Variants in WRAP53 observed in about 807,000 individuals in gnomAD.
The protein encoded by WRAP53 is telomerase Cajal body protein 1.
A neutral mutation model predicts 56.6 loss-of-function variants in WRAP53; 28 were observed. That is an observed-to-expected ratio of 0.50 (90% CI 0.37 to 0.68). The LOEUF is 0.68. Ranked by LOEUF, WRAP53 falls within the 30% of genes least tolerant of loss-of-function variation. The pLI is 0.00. For missense variants in WRAP53, 671 were observed against 715.5 expected (o/e 0.94, Z 0.71); for synonymous variants, 283 against 283.4 (o/e 1.00, Z 0.01).
chr17:7,691,914 G>A (rs1056197858), intron 4 of WRAP53, among the ~76,000 whole-genome samples: 1 of 151,752 alleles, frequency 6.6e-6, no homozygotes, highest in African/African-American at 2.4e-5. Flanking sequence ...TCAGCTCACC[G>A]CAACCTCCGC....
intron 4 of WRAP53, among the ~76,000 whole-genome samples, chr17:7,697,107 G>C (rs1192370570): frequency 6.6e-6 from 1 of 152,078 alleles, no homozygotes; most frequent in Non-Finnish European, 1.5e-5. Context: ...GATCACCCGA[G>C]GTCAGGAGTT....
chr17:7,693,814 TGCAAG>T (rs2074145858), intron 4 of WRAP53, among the ~76,000 whole-genome samples: 1 of 152,336 alleles, frequency 6.6e-6, no homozygotes, highest in South Asian at 2.1e-4. Flanking sequence ...ATCAGTTGTG[TGCAAG>T]CCAAGAATAG....
At chr17:7,687,368 G>A (rs1053179984), upstream of WRAP53, 5 of 398,382 alleles carry the variant, frequency 1.3e-5, no homozygotes, top group African/African-American at 6.2e-5. Flanking sequence ...AGTTCAGTCA[G>A]GAGCTTACCC....
intron 5 of WRAP53, 147 bp downstream of exon 5, chr17:7,700,976 T>G: frequency 1.6e-6 from 1 of 641,282 alleles, no homozygotes; most frequent in Non-Finnish European, 2.8e-6. Context: ...TTCCTCCCCT[T>G]CCTTTTTTTT....
intron 4 of WRAP53, among the ~76,000 whole-genome samples, chr17:7,691,538 C>T (rs552213368): frequency 1.3e-4 from 19 of 150,136 alleles, no homozygotes; most frequent in Non-Finnish European, 2.5e-4. Context: ...TACAGGCACC[C>T]GCCACCATGC....
At chr17:7,695,330 C>T (rs7210452) in intron 4 of WRAP53, among the ~76,000 whole-genome samples, 31 of 152,066 alleles carry the variant, frequency 2.0e-4, no homozygotes, top group Non-Finnish European at 4.0e-4. Context: ...CTTGTGTGTA[C>T]TGAGTCTTCT....
At chr17:7,696,773 T>G (rs1330698949) in intron 4 of WRAP53, among the ~76,000 whole-genome samples, 1 of 152,034 alleles carries the variant, frequency 6.6e-6, no homozygotes, top group Non-Finnish European at 1.5e-5. Flanking sequence ...GTGCTCAGAT[T>G]TCAGGATTGA....
chr17:7,699,444 ATATATATATATATT>A (rs2074229540), intron 4 of WRAP53, among the ~76,000 whole-genome samples: 4 of 63,816 alleles, frequency 6.3e-5, no homozygotes, highest in East Asian at 5.2e-4. Flanking sequence ...AAAAATTTAT[ATATATATATATATT>A]TATATATATA....
rs1399106809 is a variant in WRAP53, at chr17:7,703,069, G to A, written c.1345G>A (p.Gly449Arg). Residue 449 changes from glycine (G) to arginine (R), a missense_variant, in exon 10 of 11, where the codon GGG (glycine) becomes AGG (arginine). By Grantham distance (125) the Gly-to-Arg change is moderately radical. Transcript: ENST00000396463. ...GGACACGGACGGGCCTGGCAATGAT[G>A]GGAAGCCGGAGCCCGTGTTGAGTTT... ...VWDTDGPGND[G>R]KPEPVLSFLP... The A allele has an allele frequency of 6.2e-7, 1 of 1,614,042 alleles. No homozygotes were observed. The highest frequency in any genetic ancestry group is 8.5e-7 in the Non-Finnish European group (1 of 1,180,030).
At chr17:7,699,472 A>ATT (rs1163363840) in intron 4 of WRAP53, among the ~76,000 whole-genome samples, 169 of 13,678 alleles carry the variant, frequency 0.012, 2 homozygotes, top group Non-Finnish European at 0.015. Flanking sequence ...ATATATATAT[A>ATT]TATTTATATA....
Position 7,701,450 on chromosome 17 carries a change from C to T in WRAP53, c.732-9C>T. 6.2e-7 allele frequency: 1 copy of T among 1,614,142 alleles called. No homozygotes were observed. The highest frequency in any genetic ancestry group is 8.5e-7 in the Non-Finnish European group (1 of 1,179,970). On this transcript the variant is annotated splice_polypyrimidine_tract_variant and intron_variant, in intron 5 of 10. Coordinates refer to ENST00000396463, the MANE Select transcript of WRAP53 (RefSeq NM_001143992.2). The surrounding 1 kb of genome is among the most constrained non-coding windows in gnomAD (Gnocchi z 4.2). ...AGCACCGGGGTTTCAGTGTCCATGT[C>T]TCTCTCAGCGTGGCCAGCAGCAGCC...
chr17:7,699,646 G>A (rs1442926971), intron 4 of WRAP53, among the ~76,000 whole-genome samples: 1 of 147,306 alleles, frequency 6.8e-6, no homozygotes, highest in African/African-American at 2.5e-5. Context: ...CAGCTGGATG[G>A]AGGGGTCACA....
chr17:7,689,471 G>A, intron 3 of WRAP53, 119 bp from the exon 4 acceptor site: 1 of 1,259,690 alleles, frequency 7.9e-7, no homozygotes, highest in South Asian at 1.2e-5. Flanking sequence ...AGCAGTTTGT[G>A]TCTTCTACTT....
chr17:7,702,965 G>A lies in WRAP53; in HGVS notation c.1269-28G>A, dbSNP rs530372558. ...TTCCTGCCCCAGGGGTGAGGCCTCT[G>A]CCAGCAAATCTCTCCTCTCTCTCGC... On this transcript the variant is annotated intron_variant, in intron 9 of 10. Transcript: ENST00000396463. This position sits in a 1 kb window ranked among gnomAD's most constrained non-coding sequence, Gnocchi z 5.0. The A allele has an allele frequency of 1.9e-6, 3 of 1,613,326 alleles. No individual in the cohort carries two copies. In the African/African-American group the frequency reaches 4.0e-5, roughly 22 times the overall value.
At position 7,702,448 on chromosome 17, in the gene WRAP53, T is replaced by C; in HGVS notation, c.1060T>C (p.Trp354Arg). Residue 354 changes from tryptophan (W) to arginine (R), a missense_variant, in exon 8 of 11, where the codon TGG becomes CGG. Around this residue, in one of 3 missense-constraint regions of WRAP53, gnomAD observed 158 missense variants for 215.7 expected, o/e 0.73. Coordinates refer to ENST00000396463, the MANE Select transcript of WRAP53 (RefSeq NM_001143992.2). The surrounding 1 kb of genome is among the most constrained non-coding windows in gnomAD (Gnocchi z 5.0). ...SYGRSLGLYA[W>R]DDGSPLALLG... ...CGGCCGCTCCCTGGGTCTGTATGCCTGGGATGATGGCTCCCCTCTCGCCTT... is the reference window on the plus strand; with the variant it reads ...CGGCCGCTCCCTGGGTCTGTATGCCCGGGATGATGGCTCCCCTCTCGCCTT... 1 of 1,614,042 alleles carries C rather than the reference T, an allele frequency of 6.2e-7. No individual in the cohort carries two copies. The highest frequency in any genetic ancestry group is 8.5e-7 in the Non-Finnish European group (1 of 1,179,996).
rs2074073846 is a variant in WRAP53, at chr17:7,689,295, C to G, written c.503C>G (p.Pro168Arg). 1.2e-6 allele frequency: 2 copies of G among 1,613,948 alleles called. No individual in the cohort carries two copies. The highest frequency in any genetic ancestry group is 1.7e-5 in the Admixed American group (1 of 59,972). ...TCCTGGTCAGAGTTCAGCACCCAAC[C>G]TGAGAACTTCTTGAAAGGCTGTAAG... ...SGSWSEFSTQ[P>R]ENFLKGCKWA... The change falls in exon 3 of 11, where the codon CCT becomes CGT. Residue 168 changes from proline (P) to arginine (R), a missense_variant. By Grantham distance (103) the Pro-to-Arg change is moderately radical (BLOSUM62 -2). This residue lies in a region of WRAP53 where 406 missense variants were observed against 418.5 expected (regional missense o/e 0.97). Coordinates refer to ENST00000396463, the MANE Select transcript of WRAP53 (RefSeq NM_001143992.2).
rs1006575779 is a variant in WRAP53, at chr17:7,702,265, C to G, written c.956-79C>G. ...GAGTCCAAGCATGTTGGTGCTGGGA[C>G]GGGAGACAGACCTCTGCTTAGCCTG... On this transcript the variant is annotated intron_variant, in intron 7 of 10. Transcript: ENST00000396463. The surrounding 1 kb of genome is among the most constrained non-coding windows in gnomAD (Gnocchi z 5.0). 1 of 1,487,604 alleles carries G rather than the reference C, an allele frequency of 6.7e-7. No individual in the cohort carries two copies. The highest frequency in any genetic ancestry group is 2.3e-5 in the East Asian group (1 of 44,178). 92.2% of individuals were successfully genotyped at this position (1,487,604 alleles called of 1,614,324 possible).
chr17:7,701,789 G>T lies in WRAP53; in HGVS notation c.955G>T (p.Ala319Ser), dbSNP rs1298685626. 1 of 1,613,668 alleles carries T rather than the reference G, an allele frequency of 6.2e-7. No individual in the cohort carries two copies. The highest frequency in any genetic ancestry group is 8.5e-7 in the Non-Finnish European group (1 of 1,179,892). ...GRDCEVRATF[A>S]KKQGQSGIIS... ...AGACTGCGAGGTCCGAGCCACATTTGGTAAGCATCTGTGCCTCCAAGGGAG... is the reference window on the plus strand; with the variant it reads ...AGACTGCGAGGTCCGAGCCACATTTTGTAAGCATCTGTGCCTCCAAGGGAG... Residue 319 changes from alanine (A) to serine (S), a missense_variant and splice_region_variant, in exon 7 of 11, where the codon GCA becomes TCA. Transcript: ENST00000396463. This position sits in a 1 kb window ranked among gnomAD's most constrained non-coding sequence, Gnocchi z 4.2.
At position 7,701,375 on chromosome 17, in the gene WRAP53, G is replaced by T. The variant is rs2074270854; in HGVS notation, c.732-84G>T. 6.7e-7 allele frequency: 1 copy of T among 1,485,294 alleles called. No homozygotes were observed. Among genetic ancestry groups the T allele is most frequent in the Non-Finnish European group, 9.4e-7 (1 of 1,063,388 alleles). The allele number at this position is 1,485,294 out of a possible 1,614,324, so 92.0% of individuals were successfully genotyped here. ...CTGCCTTGGCCTCCCAAAGTGCTGG[G>T]ATTACAGGCATGAGCCACTGTGCCC... On this transcript the variant is annotated intron_variant, in intron 5 of 10. Coordinates refer to ENST00000396463, the MANE Select transcript of WRAP53 (RefSeq NM_001143992.2). The surrounding 1 kb of genome is among the most constrained non-coding windows in gnomAD (Gnocchi z 4.2).
Sources: gnomAD v4.1 joint callset for allele counts (sites outside exome capture counted in the v4.1 genomes callset) on GRCh38, gnomAD v4.1.1 for gene constraint, gnomAD v4.1.1 regional missense constraint, Gnocchi (gnomAD v3.1) non-coding constraint, MANE v1.5 for transcripts, NCBI Gene and HGNC (gene_info 2026-07-23, HGNC 2026-07-21) for gene names.